The following DLGAP1 variants were observed in gnomAD, a reference collection of about 807,000 sequenced individuals.
DLGAP1 encodes DLG associated protein 1.
In DLGAP1, 11 loss-of-function variants were observed where a neutral mutation model predicts 90.8. That is an observed-to-expected ratio of 0.12 (90% CI 0.08 to 0.20). The LOEUF is 0.20. DLGAP1 is among the 10% of genes least tolerant of loss of function. DLGAP1 has a pLI of 1.00. For missense variants in DLGAP1, 1,050 were observed against 1,333.8 expected (o/e 0.79, Z 3.31); for synonymous variants, 558 against 540.7 (o/e 1.03, Z -0.44).
At chr18:4,407,358 C>T (rs2144580314) in intron 1 of DLGAP1, among the ~76,000 whole-genome samples, 1 of 152,252 alleles carries the variant, frequency 6.6e-6, no homozygotes, top group East Asian at 1.9e-4. Flanking sequence ...TAAGTTCTAG[C>T]TAGATGAAAG....
rs528391346 is a variant in DLGAP1, at chr18:4,232,095, T to C, written c.-266-80808A>G. Among the ~76,000 whole-genome samples, 73 of 152,258 alleles carry C rather than the reference T, an allele frequency of 4.8e-4. 1 individual carries two copies. The highest frequency in any genetic ancestry group is 8.4e-4 in the Non-Finnish European group (57 of 68,016). On this transcript the variant is annotated intron_variant, in intron 1 of 12. Transcript: ENST00000315677. ...AGGTAAGGTATTATTAAATCACGGA[T>C]TCATTTTGTCACATTTACACCTATT...
In DLGAP1 at chr18:3,729,355, G is replaced by C; in HGVS notation, c.1371C>G (p.Asn457Lys). 6.2e-7 allele frequency: 1 copy of C among 1,613,222 alleles called. No individual in the cohort carries two copies. Among genetic ancestry groups the C allele is most frequent in the Non-Finnish European group, 8.5e-7 (1 of 1,179,294 alleles). Residue 457 changes from asparagine (N) to lysine (K), a missense_variant, in exon 7 of 13, where the codon AAC becomes AAG. Physicochemically the swap from Asn to Lys is moderately conservative, Grantham distance 94 (BLOSUM62 0). Around this residue, in one of 2 missense-constraint regions of DLGAP1, gnomAD observed 565 missense variants for 879.7 expected, o/e 0.64. Coordinates refer to ENST00000315677, the MANE Select transcript of DLGAP1 (RefSeq NM_004746.4). The surrounding 1 kb of genome is among the most constrained non-coding windows in gnomAD (Gnocchi z 6.2). ...ACTCGCACACGGACTCGAACTGCCC[G>C]TTCACTTCCATCTCGCTCACCTGCG... Reference protein sequence around the residue: ...TISQVSEMEVNGQFESVCESV... With the variant: ...TISQVSEMEVKGQFESVCESV...
chr18:4,429,948 A>C (rs2083247153), intron 1 of DLGAP1, among the ~76,000 whole-genome samples: 1 of 152,244 alleles, frequency 6.6e-6, no homozygotes, highest in South Asian at 2.1e-4. Flanking sequence ...CAAGTGGCAG[A>C]AGAATATAAA....
chr18:3,547,303 A>G (rs1159217848), intron 9 of DLGAP1, among the ~76,000 whole-genome samples: 3 of 140,756 alleles, frequency 2.1e-5, no homozygotes, highest in Non-Finnish European at 3.0e-5. Context: ...CTCCGTCTCA[A>G]AAAAAAAAAA....
chr18:4,138,499 T>C (rs950734542), intron 2 of DLGAP1, among the ~76,000 whole-genome samples: 1 of 152,070 alleles, frequency 6.6e-6, no homozygotes, highest in Admixed American at 6.6e-5. Context: ...CACTCAGTCA[T>C]GATAAATGAT....
intron 11 of DLGAP1, among the ~76,000 whole-genome samples, chr18:3,503,372 C>T (rs1280738791): frequency 6.6e-6 from 1 of 152,184 alleles, no homozygotes; most frequent in Non-Finnish European, 1.5e-5. Context: ...AAACATTCTT[C>T]AGTGTTTCAG....
At chr18:3,605,493 A>G (rs2057286985) in intron 7 of DLGAP1, among the ~76,000 whole-genome samples, 1 of 152,234 alleles carries the variant, frequency 6.6e-6, no homozygotes, top group African/African-American at 2.4e-5. Context: ...CTACAAACCA[A>G]TTTGGATAGT....
At chr18:3,707,787 G>A (rs1378815417) in intron 7 of DLGAP1, among the ~76,000 whole-genome samples, 4 of 152,022 alleles carry the variant, frequency 2.6e-5, no homozygotes, top group Non-Finnish European at 5.9e-5. Context: ...ATTGAAAGGG[G>A]CTTCTTGGAG....
At chr18:3,945,684 A>C (rs748193439) in intron 3 of DLGAP1, among the ~76,000 whole-genome samples, 1 of 152,192 alleles carries the variant, frequency 6.6e-6, no homozygotes, top group Non-Finnish European at 1.5e-5. Context: ...CTAATGCTAG[A>C]TGATGAGTTA....
intron 3 of DLGAP1, among the ~76,000 whole-genome samples, chr18:3,898,438 G>A (rs11661218): frequency 0.3 from 45,883 of 152,082 alleles, 7,357 homozygotes; most frequent in Admixed American, 0.41. Context: ...GGAGGAAAAT[G>A]AGGTATGGGA....
At chr18:3,696,794 C>G (rs376899695) in intron 7 of DLGAP1, among the ~76,000 whole-genome samples, 10 of 152,164 alleles carry the variant, frequency 6.6e-5, no homozygotes, top group African/African-American at 2.2e-4. Flanking sequence ...CTTTGTACCT[C>G]TGGTAGAATT....
chr18:3,593,717 C>A (rs1351120513), intron 7 of DLGAP1: 1 of 152,116 alleles, frequency 6.6e-6, no homozygotes, highest in Non-Finnish European at 1.5e-5. Context: ...CCCCAAGCCT[C>A]GGCATGTCTG....
intron 2 of DLGAP1, among the ~76,000 whole-genome samples, chr18:4,079,679 CTATTGA>C (rs2075575947): frequency 7.5e-6 from 1 of 134,210 alleles, no homozygotes; most frequent in South Asian, 2.5e-4. Context: ...ACACCAAAAG[CTATTGA>C]AATTAAATAT....
In DLGAP1 at chr18:3,497,802, T is replaced by C. The variant is rs2049744590; in HGVS notation, c.*1383A>G. 6.6e-6 allele frequency: 1 copy of C among 152,186 alleles called. No individual in the cohort carries two copies. Among genetic ancestry groups the C allele is most frequent in the African/African-American group, 2.4e-5 (1 of 41,444 alleles). 9.4% of individuals were successfully genotyped at this position (152,186 alleles called of 1,614,324 possible). Reference sequence around the variant, plus strand: ...CAAGACTAAAAATCTAAATCAACACTCTCTGCCAAAAGCCTTGACTTCTTT... The same window carrying C: ...CAAGACTAAAAATCTAAATCAACACCCTCTGCCAAAAGCCTTGACTTCTTT... On this transcript the variant is annotated 3_prime_UTR_variant, in exon 13 of 13. Coordinates refer to ENST00000315677, the MANE Select transcript of DLGAP1 (RefSeq NM_004746.4).
intron 1 of DLGAP1, among the ~76,000 whole-genome samples, chr18:4,359,828 G>C (rs1033935094): frequency 2.0e-5 from 3 of 152,188 alleles, no homozygotes; most frequent in Admixed American, 2.0e-4. Context: ...ATAAAGTAGG[G>C]AAGAAAATAG....
At chr18:3,811,671 C>T (rs1020265862) in intron 5 of DLGAP1, among the ~76,000 whole-genome samples, 1 of 152,168 alleles carries the variant, frequency 6.6e-6, no homozygotes, top group Admixed American at 6.5e-5. Context: ...TGCATGTTTG[C>T]CTCTTTCTGC....
At chr18:4,347,362 T>C (rs1259100586) in intron 1 of DLGAP1, among the ~76,000 whole-genome samples, 1 of 152,112 alleles carries the variant, frequency 6.6e-6, no homozygotes, top group Admixed American at 6.5e-5. Context: ...CAGAATAACG[T>C]TGATACCTAA....
intron 4 of DLGAP1, among the ~76,000 whole-genome samples, chr18:3,824,793 T>A (rs1240859331): frequency 2.0e-5 from 3 of 152,202 alleles, no homozygotes; most frequent in Non-Finnish European, 4.4e-5. Context: ...CCAAGCTACA[T>A]TTATAACACC....
At chr18:4,004,941 TGC>T (rs879700382) in intron 3 of DLGAP1, 173 bp downstream of exon 3, 4,652 of 112,748 alleles carry the variant, frequency 0.041, 190 homozygotes, top group African/African-American at 0.13. Context: ...TGTGTGTGTG[TGC>T]GCGCGTGTGT....
Sources: gnomAD v4.1 joint callset for allele counts (sites outside exome capture counted in the v4.1 genomes callset) on GRCh38, gnomAD v4.1.1 for gene constraint, gnomAD v4.1.1 regional missense constraint, Gnocchi (gnomAD v3.1) non-coding constraint, MANE v1.5 for transcripts, NCBI Gene and HGNC (gene_info 2026-07-23, HGNC 2026-07-21) for gene names.